The following SMARCA2 variants were observed in gnomAD, a reference collection of about 807,000 sequenced individuals.
SMARCA2 encodes the protein SWI/SNF-related matrix-associated actin-dependent regulator of chromatin subfamily A member 2.
Under a neutral mutation model 199.8 loss-of-function variants are expected in SMARCA2, and 61 were observed. That is an observed-to-expected ratio of 0.31 (90% CI 0.25 to 0.38). The LOEUF (loss-of-function observed/expected upper bound fraction) is 0.38. SMARCA2 is among the 10% of genes least tolerant of loss of function. The pLI, the probability that SMARCA2 is intolerant of heterozygous loss-of-function variation, is 1.00. For synonymous variants in SMARCA2, 935 were observed against 732.0 expected (o/e 1.28, Z -4.48); for missense variants, 1,344 against 2,012.2 (o/e 0.67, Z 6.35).
chr9:2,189,210 T>G (rs1305147781), intron 32 of SMARCA2, among the ~76,000 whole-genome samples: 1 of 152,180 alleles, frequency 6.6e-6, no homozygotes, highest in Non-Finnish European at 1.5e-5. Context: ...TCCACCACAC[T>G]TGGTAGCTAG....
intron 33 of SMARCA2, chr9:2,191,667 A>G: frequency 3.0e-6 from 1 of 335,952 alleles, no homozygotes; most frequent in Non-Finnish European, 5.5e-6. Context: ...CCCCCTTTTT[A>G]ATCTTCCCAC....
At chr9:2,058,534 A>G (rs1471503885) in intron 8 of SMARCA2, 70 bp downstream of exon 8, 1 of 1,289,284 alleles carries the variant, frequency 7.8e-7, no homozygotes, top group African/African-American at 1.5e-5. Flanking sequence ...ACCATTAAAT[A>G]TGGTGGTAGT....
Position 2,081,972 on chromosome 9 carries a change from C to T in SMARCA2, c.2325C>T (p.Pro775=), listed in dbSNP as rs145668742. 2 of 1,613,642 alleles carry T rather than the reference C, an allele frequency of 1.2e-6. No homozygotes were observed. Among genetic ancestry groups the T allele is most frequent in the African/African-American group, 1.3e-5 (1 of 74,912 alleles). ...YLMEHKRLNG[P]YLIIVPLSTL... ...TGGAGCACAAAAGACTCAATGGCCCCTATCTCATCATTGTTCCCCTTTCGT... is the reference window on the plus strand; with the variant it reads ...TGGAGCACAAAAGACTCAATGGCCCTTATCTCATCATTGTTCCCCTTTCGT... Residue 775 remains proline (P), a synonymous_variant, in exon 15 of 34, where the codon CCC becomes CCT. Coordinates refer to ENST00000349721, the MANE Select transcript of SMARCA2 (RefSeq NM_003070.5).
At chr9:2,121,173 G>C (rs1486094188) in intron 26 of SMARCA2, among the ~76,000 whole-genome samples, 1 of 152,164 alleles carries the variant, frequency 6.6e-6, no homozygotes, top group African/African-American at 2.4e-5. Flanking sequence ...TGAAGTAAGG[G>C]GGTGAGTGTA....
At position 2,140,149 on chromosome 9, in the gene SMARCA2, C is replaced by T. The variant is rs373231214; in HGVS notation, c.3981+16212C>T. Among the ~76,000 whole-genome samples the T allele has an allele frequency of 7.9e-5, 12 of 152,336 alleles. No individual in the cohort carries two copies. The South Asian group carries it at 1.2e-3, about 16-fold the overall frequency. ...AAGACCAAGAGTTTTCTAGTACTCT[C>T]ATCAAGAAGTCACCTACTCTGGTCC... On this transcript the variant is annotated intron_variant, in intron 27 of 33. Coordinates refer to ENST00000349721, the MANE Select transcript of SMARCA2 (RefSeq NM_003070.5).
chr9:2,157,565 T>A, intron 27 of SMARCA2: 1 of 242,368 alleles, frequency 4.1e-6, no homozygotes, highest in Non-Finnish European at 7.9e-6. Flanking sequence ...TACTGACTTT[T>A]CCCGTTGCAC....
At chr9:2,093,828 C>T (rs1822161883) in intron 19 of SMARCA2, among the ~76,000 whole-genome samples, 2 of 152,210 alleles carry the variant, frequency 1.3e-5, no homozygotes, top group South Asian at 2.1e-4. Flanking sequence ...TATAAATCAA[C>T]TTCCTTTAAC....
chr9:2,075,194 G>C (rs1252157794), intron 12 of SMARCA2: 1 of 152,586 alleles, frequency 6.6e-6, no homozygotes, highest in Non-Finnish European at 1.5e-5. Context: ...TCCTGGCCTG[G>C]AAAATGAAGG....
intron 29 of SMARCA2, among the ~76,000 whole-genome samples, chr9:2,172,651 C>G (rs903048258): frequency 1.3e-5 from 2 of 152,024 alleles, no homozygotes; most frequent in African/African-American, 4.8e-5. Context: ...TTGATGTACT[C>G]TTCTAGGAGT....
intron 27 of SMARCA2, among the ~76,000 whole-genome samples, chr9:2,134,846 A>G (rs190752034): frequency 9.8e-5 from 15 of 152,290 alleles, no homozygotes; most frequent in African/African-American, 3.1e-4. Flanking sequence ...GAGGTCAGCA[A>G]TCTGCAAGCT....
At chr9:2,181,145 G>T (rs1826992400) in intron 29 of SMARCA2, 1 of 153,038 alleles carries the variant, frequency 6.5e-6, no homozygotes, top group Admixed American at 6.6e-5. Flanking sequence ...ATGTGAATTT[G>T]AAAACAAAGG....
intron 1 of SMARCA2, among the ~76,000 whole-genome samples, chr9:2,025,064 C>G (rs1035913687): frequency 6.8e-6 from 1 of 146,698 alleles, no homozygotes; most frequent in Non-Finnish European, 1.5e-5. Context: ...GATGGCTGTG[C>G]TGAGCCTTTC....
Position 2,192,369 on chromosome 9 carries a change from A to G in SMARCA2, c.4738-335A>G, listed in dbSNP as rs952236086. 3.7e-5 allele frequency: 11 copies of G among 298,294 alleles called. No homozygotes were observed. The Admixed American group carries it at 5.7e-4, about 15-fold the overall frequency. 18.5% of individuals were successfully genotyped at this position (298,294 alleles called of 1,614,324 possible). ...ATACATTTTTCTTTAGGAGATGTCA[A>G]ATGCAGGGTATTTTTTTTTCTCCCA... On this transcript the variant is annotated intron_variant, in intron 33 of 33. Coordinates refer to ENST00000349721, the MANE Select transcript of SMARCA2 (RefSeq NM_003070.5).
At chr9:2,150,237 A>C (rs1214598030) in intron 27 of SMARCA2, among the ~76,000 whole-genome samples, 2 of 151,568 alleles carry the variant, frequency 1.3e-5, no homozygotes, top group East Asian at 3.9e-4. Context: ...ATGCTACCTT[A>C]TGACCTATAT....
At chr9:2,136,164 T>C (rs2130668191) in intron 27 of SMARCA2, among the ~76,000 whole-genome samples, 1 of 151,356 alleles carries the variant, frequency 6.6e-6, no homozygotes, top group East Asian at 2.0e-4. Context: ...TTGTGGTTTT[T>C]AATAATAATT....
intron 13 of SMARCA2, among the ~76,000 whole-genome samples, chr9:2,077,304 G>C (rs1241137371): frequency 6.6e-6 from 1 of 152,164 alleles, no homozygotes; most frequent in East Asian, 1.9e-4. Flanking sequence ...GTAGGGTTCA[G>C]GCTCCTATCT....
rs1826176662 is a variant in SMARCA2, at chr9:2,170,286, T to C, written c.4200-133T>C. The C allele has an allele frequency of 2.8e-6, 3 of 1,080,776 alleles. No homozygotes were observed. In the Admixed American group the frequency reaches 7.6e-5, roughly 27 times the overall value. The allele number at this position is 1,080,776 out of a possible 1,614,324, so 66.9% of individuals were successfully genotyped here. On this transcript the variant is annotated intron_variant, in intron 28 of 33. Coordinates refer to ENST00000349721, the MANE Select transcript of SMARCA2 (RefSeq NM_003070.5). This position sits in a 1 kb window ranked among gnomAD's most constrained non-coding sequence, Gnocchi z 4.7. ...GAATGAGGTTCCAAACATAACCCCG[T>C]GTAATCTTCCTAACAAGGCAGGTTG...
chr9:2,061,727 A>G (rs943863393), intron 9 of SMARCA2, among the ~76,000 whole-genome samples: 1 of 152,204 alleles, frequency 6.6e-6, no homozygotes, highest in Non-Finnish European at 1.5e-5. Flanking sequence ...ACAAACATCA[A>G]CTGGAAGTCA....
At chr9:2,088,209 T>G (rs1295940281) in intron 18 of SMARCA2, among the ~76,000 whole-genome samples, 1 of 152,198 alleles carries the variant, frequency 6.6e-6, no homozygotes, top group Non-Finnish European at 1.5e-5. Context: ...GACAGTCATA[T>G]CCCATACAAT....
Sources: gnomAD v4.1 joint callset for allele counts (sites outside exome capture counted in the v4.1 genomes callset) on GRCh38, gnomAD v4.1.1 for gene constraint, Gnocchi (gnomAD v3.1) non-coding constraint, MANE v1.5 for transcripts, NCBI Gene and HGNC (gene_info 2026-07-23, HGNC 2026-07-21) for gene names.